ANK3: variants seen among roughly 807,000 people sequenced by gnomAD.
ANK3 encodes the protein ankyrin-3.
Under a neutral mutation model 370.9 loss-of-function variants are expected in ANK3, and 57 were observed. The observed-to-expected ratio is 0.15, with a 90% CI of 0.12 to 0.19. The LOEUF (loss-of-function observed/expected upper bound fraction) is 0.19. Ranked by LOEUF, ANK3 falls within the 10% of genes least tolerant of loss-of-function variation. The probability of loss-of-function intolerance (pLI) is 1.00; values close to 1 mark genes in which losing one functional copy is unlikely to be tolerated. For missense variants in ANK3, 4,439 were observed against 5,302.1 expected (o/e 0.84, Z 5.06); for synonymous variants, 1,929 against 1,946.3 (o/e 0.99, Z 0.23).
At chr10:60,408,459 C>T (rs746688907) in intron 2 of ANK3, among the ~76,000 whole-genome samples, 2 of 152,132 alleles carry the variant, frequency 1.3e-5, no homozygotes, top group African/African-American at 4.8e-5. Context: ...TGAAGATGCT[C>T]GCTCCTGCTT....
intron 2 of ANK3, among the ~76,000 whole-genome samples, chr10:60,472,615 T>C (rs2133085207): frequency 6.6e-6 from 1 of 152,286 alleles, no homozygotes; most frequent in East Asian, 1.9e-4. Flanking sequence ...TATAAACTTA[T>C]CAGAACAATG....
intron 43 of ANK3, among the ~76,000 whole-genome samples, chr10:60,032,013 G>T (rs568579278): frequency 6.6e-6 from 1 of 151,890 alleles, no homozygotes; most frequent in Non-Finnish European, 1.5e-5. Context: ...TGATGATCAG[G>T]ATTTTCTCAC....
At chr10:60,721,788 C>T (rs2079867130) in intron 1 of ANK3, among the ~76,000 whole-genome samples, 1 of 152,112 alleles carries the variant, frequency 6.6e-6, no homozygotes, top group South Asian at 2.1e-4. Flanking sequence ...CTAGGCAAAC[C>T]TAGAGCTTAA....
intron 1 of ANK3, among the ~76,000 whole-genome samples, chr10:60,636,279 A>G (rs2078553701): frequency 6.6e-6 from 1 of 152,300 alleles, no homozygotes; most frequent in South Asian, 2.1e-4. Flanking sequence ...ACCTAGATCT[A>G]ATCGTGAATA....
intron 1 of ANK3, among the ~76,000 whole-genome samples, chr10:60,316,762 T>A (rs577207276): frequency 1.3e-5 from 2 of 152,218 alleles, no homozygotes; most frequent in South Asian, 4.1e-4. Flanking sequence ...TATTTTTTTT[T>A]ATTGAGATGG....
At chr10:60,731,786 T>C (rs1194298727) in intron 1 of ANK3, among the ~76,000 whole-genome samples, 1 of 152,202 alleles carries the variant, frequency 6.6e-6, no homozygotes, top group Non-Finnish European at 1.5e-5. Context: ...CTACCTGCCC[T>C]GACCTACCCT....
intron 2 of ANK3, among the ~76,000 whole-genome samples, chr10:60,557,185 C>T (rs1266647054): frequency 3.3e-5 from 5 of 152,140 alleles, no homozygotes; most frequent in Non-Finnish European, 7.3e-5. Context: ...GAAACAAAAA[C>T]TTATACAGGA....
intron 2 of ANK3, among the ~76,000 whole-genome samples, chr10:60,579,559 T>G (rs1006628844): frequency 3.9e-5 from 6 of 152,024 alleles, no homozygotes; most frequent in Non-Finnish European, 8.8e-5. Flanking sequence ...GATACTGACA[T>G]TAAAACCAGG....
intron 1 of ANK3, among the ~76,000 whole-genome samples, chr10:60,636,091 A>AAATTAAATTAGTTTCT (rs56409528): frequency 6.6e-6 from 1 of 151,980 alleles, no homozygotes; most frequent in East Asian, 1.9e-4. Flanking sequence ...AATTAGTTTA[A>AAATTAAATTAGTTTCT]AAACTAAAAT....
chr10:60,692,385 T>C (rs2079368006), intron 1 of ANK3, among the ~76,000 whole-genome samples: 1 of 152,226 alleles, frequency 6.6e-6, no homozygotes, highest in Non-Finnish European at 1.5e-5. Flanking sequence ...AAACTGGGGC[T>C]ACTAGGTGTA....
intron 18 of ANK3, among the ~76,000 whole-genome samples, chr10:60,177,174 T>A (rs917138748): frequency 3.3e-5 from 5 of 152,334 alleles, no homozygotes; most frequent in African/African-American, 1.2e-4. Context: ...CCTCTACCTT[T>A]GGACAGCCCT....
At chr10:60,050,023 C>T (rs12569606) in intron 42 of ANK3, among the ~76,000 whole-genome samples, 6,751 of 152,162 alleles carry the variant, frequency 0.044, 518 homozygotes, top group African/African-American at 0.15. Context: ...AAGACAAGTT[C>T]GAAGCACTAT....
intron 1 of ANK3, among the ~76,000 whole-genome samples, chr10:60,660,882 A>G (rs1203397577): frequency 1.3e-5 from 2 of 152,002 alleles, no homozygotes. Context: ...CCTTGAGAAA[A>G]AAAGGAGCAA....
intron 1 of ANK3, among the ~76,000 whole-genome samples, chr10:60,345,265 C>T (rs1489073360): frequency 6.6e-6 from 1 of 152,110 alleles, no homozygotes; most frequent in Non-Finnish European, 1.5e-5. Context: ...TATCATTTTT[C>T]ATGTAACTCA....
chr10:60,667,210 A>G lies in ANK3; in HGVS notation c.58-51986T>C, dbSNP rs2079008986. The stretch of plus-strand genomic sequence containing the variant: ...ATATTATATTATATTATATTATATT[A>G]TATTATATTAATTATATTGAATTGA... On this transcript the variant is annotated intron_variant, in intron 1 of 43. Transcript: ENST00000373827. Among the ~76,000 whole-genome samples, 18 of 59,408 alleles carry G rather than the reference A, an allele frequency of 3.0e-4. 1 individual carries two copies. In the South Asian group the frequency reaches 5.4e-3, roughly 18 times the overall value. The allele number at this position is 59,408 out of a possible 152,430, so 39.0% of individuals were successfully genotyped here.
chr10:60,587,106 T>C (rs1158503362), intron 2 of ANK3, among the ~76,000 whole-genome samples: 5 of 152,156 alleles, frequency 3.3e-5, no homozygotes, highest in Admixed American at 1.3e-4. Flanking sequence ...AAGGACTTTC[T>C]TCACATGGCA....
intron 8 of ANK3, among the ~76,000 whole-genome samples, chr10:60,225,208 C>T (rs1397073337): frequency 1.3e-5 from 2 of 152,172 alleles, no homozygotes; most frequent in Non-Finnish European, 2.9e-5. Flanking sequence ...CCACCGCACC[C>T]AGCCAGCAAA....
intron 1 of ANK3, among the ~76,000 whole-genome samples, chr10:60,320,563 C>A (rs2048405708): frequency 6.6e-6 from 1 of 152,238 alleles, no homozygotes; most frequent in South Asian, 2.1e-4. Context: ...TGTGCTACTG[C>A]ACTCCAGTCT....
At chr10:60,398,208 C>A (rs901652521) in intron 2 of ANK3, among the ~76,000 whole-genome samples, 1 of 152,126 alleles carries the variant, frequency 6.6e-6, no homozygotes, top group South Asian at 2.1e-4. Flanking sequence ...TCAGGTGTCA[C>A]CAAATATACT....
Sources: gnomAD v4.1 joint callset for allele counts (sites outside exome capture counted in the v4.1 genomes callset) on GRCh38, gnomAD v4.1.1 for gene constraint, MANE v1.5 for transcripts, NCBI Gene and HGNC (gene_info 2026-07-23, HGNC 2026-07-21) for gene names.